DLG2: variants seen among roughly 807,000 people sequenced by gnomAD.
DLG2 encodes disks large homolog 2.
A neutral mutation model predicts 132.5 loss-of-function variants in DLG2; 45 were observed. The ratio of observed to expected loss-of-function variants is 0.34; its 90% CI spans 0.27 to 0.44. The LOEUF (loss-of-function observed/expected upper bound fraction) is 0.44, where lower values mean the gene tolerates loss of function less well. Ranked by LOEUF, DLG2 falls within the 20% of genes least tolerant of loss-of-function variation. DLG2 has a pLI of 1.00. For synonymous variants in DLG2, 424 were observed against 419.6 expected (o/e 1.01, Z -0.13); for missense variants, 1,045 against 1,196.9 (o/e 0.87, Z 1.87).
intron 18 of DLG2, among the ~76,000 whole-genome samples, chr11:83,698,030 C>T (rs1481534081): frequency 6.6e-6 from 1 of 152,166 alleles, no homozygotes; most frequent in Non-Finnish European, 1.5e-5. Context: ...AAGTCTCTGC[C>T]ATTCACTAGC....
intron 6 of DLG2, among the ~76,000 whole-genome samples, chr11:84,727,113 T>C (rs1173652816): frequency 1.3e-5 from 2 of 152,238 alleles, no homozygotes; most frequent in Non-Finnish European, 2.9e-5. Context: ...AGATCCTGTT[T>C]GTCAATTTTG....
intron 18 of DLG2, among the ~76,000 whole-genome samples, chr11:83,774,380 G>A (rs780302612): frequency 2.0e-5 from 3 of 152,148 alleles, no homozygotes; most frequent in Admixed American, 1.3e-4. Flanking sequence ...TCAGGACAGT[G>A]CCAGGCATTT....
At chr11:84,834,662 T>A (rs2079483115) in intron 6 of DLG2, among the ~76,000 whole-genome samples, 1 of 151,528 alleles carries the variant, frequency 6.6e-6, no homozygotes, top group South Asian at 2.1e-4. Context: ...GTCTTTTTTA[T>A]CATGAGGTGC....
chr11:84,763,103 T>C (rs2153869017), intron 6 of DLG2, among the ~76,000 whole-genome samples: 1 of 152,334 alleles, frequency 6.6e-6, no homozygotes, highest in Non-Finnish European at 1.5e-5. Flanking sequence ...CCTATGCAAC[T>C]TTCAGGACAG....
At chr11:85,519,837 G>A (rs1220390149) in intron 3 of DLG2, among the ~76,000 whole-genome samples, 1 of 152,024 alleles carries the variant, frequency 6.6e-6, no homozygotes, top group East Asian at 1.9e-4. Flanking sequence ...AGACCTGATG[G>A]TTATTATAAG....
At chr11:83,895,328 T>G (rs1177836627) in intron 15 of DLG2, among the ~76,000 whole-genome samples, 3 of 151,880 alleles carry the variant, frequency 2.0e-5, no homozygotes. Context: ...TCTGGCTAAT[T>G]TTTGTATTTT....
In DLG2 at chr11:84,962,855, C is replaced by A. The variant is rs904614648; in HGVS notation, c.357+148806G>T. 7.9e-5 allele frequency among the ~76,000 whole-genome samples: 12 copies of A among 152,306 alleles called. No homozygotes were observed. In the South Asian group the frequency reaches 2.5e-3, roughly 32 times the overall value. The stretch of plus-strand genomic sequence containing the variant: ...GCGTATTCAAAGCTAAGTATTCTGG[C>A]AGCTGATAACTTATTTCCCCCAAAA... On this transcript the variant is annotated intron_variant, in intron 6 of 27. Transcript: ENST00000376104.
At chr11:83,641,145 A>G (rs915885727) in intron 18 of DLG2, among the ~76,000 whole-genome samples, 2 of 152,196 alleles carry the variant, frequency 1.3e-5, no homozygotes, top group African/African-American at 4.8e-5. Flanking sequence ...GAGAGGGTGG[A>G]CACAAGACTC....
chr11:85,453,968 C>G (rs190960116), intron 3 of DLG2, among the ~76,000 whole-genome samples: 2 of 151,924 alleles, frequency 1.3e-5, no homozygotes, highest in Admixed American at 1.3e-4. Flanking sequence ...GTCTGTTGTT[C>G]CCCTTTGTGT....
intron 6 of DLG2, among the ~76,000 whole-genome samples, chr11:84,616,377 T>C (rs776713765): frequency 3.3e-5 from 5 of 152,114 alleles, no homozygotes; most frequent in Non-Finnish European, 4.4e-5. Context: ...GTACTTGAAA[T>C]GAAATAATTG....
chr11:84,402,902 T>C (rs76991623), intron 7 of DLG2, among the ~76,000 whole-genome samples: 2 of 101,396 alleles, frequency 2.0e-5, no homozygotes, highest in Admixed American at 8.5e-5. Context: ...AAAAAAAAAA[T>C]TAACTCAGAA....
At chr11:84,745,081 A>C (rs540715631) in intron 6 of DLG2, among the ~76,000 whole-genome samples, 12 of 152,158 alleles carry the variant, frequency 7.9e-5, no homozygotes, top group African/African-American at 2.9e-4. Flanking sequence ...CATATTAGAG[A>C]TCACTATTCT....
intron 7 of DLG2, among the ~76,000 whole-genome samples, chr11:84,473,290 C>CA (rs2154490986): frequency 1.3e-5 from 2 of 152,078 alleles, no homozygotes; most frequent in African/African-American, 4.8e-5. Context: ...ATTTTGAGGC[C>CA]ACTAAAGCCT....
At chr11:83,793,244 C>T (rs564366228) in intron 17 of DLG2, among the ~76,000 whole-genome samples, 5 of 152,114 alleles carry the variant, frequency 3.3e-5, no homozygotes, top group African/African-American at 1.2e-4. Flanking sequence ...ACTTTTCTTT[C>T]GTACATTATT....
intron 3 of DLG2, among the ~76,000 whole-genome samples, chr11:85,553,408 G>C (rs1349292494): frequency 6.7e-6 from 1 of 150,254 alleles, no homozygotes; most frequent in Non-Finnish European, 1.5e-5. Flanking sequence ...CATAAAAATA[G>C]TTTTTAAATT....
At chr11:85,466,984 C>A (rs1366422906) in intron 3 of DLG2, among the ~76,000 whole-genome samples, 3 of 151,972 alleles carry the variant, frequency 2.0e-5, no homozygotes, top group Admixed American at 6.6e-5. Context: ...CTTTTATTTC[C>A]TTGAGCAGTG....
intron 4 of DLG2, among the ~76,000 whole-genome samples, chr11:85,241,221 T>C (rs1015215926): frequency 9.2e-5 from 14 of 151,956 alleles, no homozygotes; most frequent in African/African-American, 3.4e-4. Context: ...GACATGAAGT[T>C]GATTTTTCTT....
In DLG2 at chr11:84,650,861, GTGTGTGTGTGTGTA is replaced by G. The variant is rs1441879470; in HGVS notation, c.358-116144_358-116131del. Among the ~76,000 whole-genome samples, 10 of 73,898 alleles carry G rather than the reference GTGTGTGTGTGTGTA, an allele frequency of 1.4e-4. No individual in the cohort carries two copies. The East Asian group carries it at 3.0e-3, about 22-fold the overall frequency. The allele number at this position is 73,898 out of a possible 152,430, so 48.5% of individuals were successfully genotyped here. ...TAAACTTTCCTGTATGTGTGTGTGT[GTGTGTGTGTGTGTA>G]TATATATATATATATATATATATAT... On this transcript the variant is annotated intron_variant, in intron 6 of 27. Transcript: ENST00000376104.
intron 7 of DLG2, among the ~76,000 whole-genome samples, chr11:84,514,759 CA>C (rs1591324509): frequency 6.6e-6 from 1 of 151,796 alleles, no homozygotes; most frequent in African/African-American, 2.4e-5. Flanking sequence ...GACAGCACAT[CA>C]GGGGTACTAG....
Sources: gnomAD v4.1 joint callset for allele counts (sites outside exome capture counted in the v4.1 genomes callset) on GRCh38, gnomAD v4.1.1 for gene constraint, MANE v1.5 for transcripts, NCBI Gene and HGNC (gene_info 2026-07-23, HGNC 2026-07-21) for gene names.